Variants in PHACTR3 observed in about 807,000 individuals in gnomAD.
PHACTR3 encodes the protein protein phosphatase 1, regulatory subunit 123.
A neutral mutation model predicts 66.8 loss-of-function variants in PHACTR3; 16 were observed. The ratio of observed to expected loss-of-function variants is 0.24; its 90% confidence interval spans 0.16 to 0.36. The LOEUF is 0.36. Among genes scored for constraint, PHACTR3 ranks in the 10% least tolerant of loss-of-function variants. The probability of loss-of-function intolerance (pLI) is 1.00; values close to 1 mark genes in which losing one functional copy is unlikely to be tolerated. For synonymous variants in PHACTR3, 323 were observed against 292.1 expected (o/e 1.11, Z -1.08); for missense variants, 647 against 719.9 (o/e 0.90, Z 1.16).
intron 1 of PHACTR3, among the ~76,000 whole-genome samples, chr20:59,659,405 G>A (rs917554051): frequency 9.3e-5 from 11 of 118,334 alleles, no homozygotes; most frequent in Admixed American, 3.6e-4. Context: ...AGACAGTCTC[G>A]CTCTGTCACC....
chr20:59,704,752 T>G (rs1313264804), intron 1 of PHACTR3, among the ~76,000 whole-genome samples: 2 of 150,348 alleles, frequency 1.3e-5, no homozygotes, highest in African/African-American at 5.0e-5. Flanking sequence ...AAACACCTCC[T>G]TTATTATATT....
rs545868199 is a variant in PHACTR3 at position 59,846,421 on chromosome 20, GGGAGGAATAGGTCATAT to G, written c.1665-675_1665-659del. Reference sequence around the variant, plus strand: ...CCCTCCCATGACTAACATACTTTTGGGGAGGAATAGGTCATATGGAGGAATAGGTCATATGAATGTTT... The same window carrying G: ...CCCTCCCATGACTAACATACTTTTGGGGAGGAATAGGTCATATGAATGTTT... On this transcript the variant is annotated intron_variant, in intron 12 of 12. Coordinates refer to ENST00000371015, the MANE Select transcript of PHACTR3 (RefSeq NM_080672.5). Among the ~76,000 whole-genome samples the G allele has an allele frequency of 4.5e-3, 689 of 152,196 alleles. 2 individuals are homozygous for G. The highest frequency in any genetic ancestry group is 7.3e-3 in the Non-Finnish European group (498 of 67,990).
intron 1 of PHACTR3, among the ~76,000 whole-genome samples, chr20:59,678,665 C>T (rs1371733107): frequency 6.6e-6 from 1 of 152,168 alleles, no homozygotes; most frequent in Non-Finnish European, 1.5e-5. Context: ...TTTTGTGGGG[C>T]AGAAATAGTC....
rs746993446 is a variant in PHACTR3 at position 59,841,291 on chromosome 20, T to TTTTTG, written c.1447-89_1447-85dup. 1.1e-5 allele frequency: 14 copies of TTTTTG among 1,230,232 alleles called. No individual in the cohort carries two copies. The East Asian group carries it at 1.2e-4, about 11-fold the overall frequency. The allele number at this position is 1,230,232 out of a possible 1,614,324, so 76.2% of individuals were successfully genotyped here. ...GGTTATATTTTCCAGTTTCAGGTTT[T>TTTTTG]TTTTGTTTTGTTTTGTTTTTTAAGA... is the stretch of plus-strand genomic sequence containing the variant. On this transcript the variant is annotated intron_variant, in intron 10 of 12. Transcript: ENST00000371015.
At chr20:59,669,812 T>C (rs2036128830) in intron 1 of PHACTR3, among the ~76,000 whole-genome samples, 1 of 152,254 alleles carries the variant, frequency 6.6e-6, no homozygotes. Flanking sequence ...CCTCCATTCC[T>C]TTTTATGACA....
intron 1 of PHACTR3, among the ~76,000 whole-genome samples, chr20:59,648,032 A>G (rs542410018): frequency 6.6e-6 from 1 of 152,328 alleles, no homozygotes; most frequent in South Asian, 2.1e-4. Context: ...TCATCTTATT[A>G]GTGAAGATTC....
At position 59,736,608 on chromosome 20, in the gene PHACTR3, T is replaced by G. The variant is rs1038936548; in HGVS notation, c.119-6499T>G. Among the ~76,000 whole-genome samples, 2 of 151,194 alleles carry G rather than the reference T, an allele frequency of 1.3e-5. No homozygotes were observed. Among genetic ancestry groups the G allele is most frequent in the Non-Finnish European group, 2.9e-5 (2 of 67,892 alleles). ...TTGCTCACCCACCCACCCTCAGAGA[T>G]ACACACCTACCCACTCTGTGCACAC... On this transcript the variant is annotated intron_variant, in intron 1 of 12. Transcript: ENST00000371015. The surrounding 1 kb of genome is among the most constrained non-coding windows in gnomAD (Gnocchi z 4.6).
At chr20:59,762,519 G>A (rs1008763406) in intron 4 of PHACTR3, among the ~76,000 whole-genome samples, 2 of 152,244 alleles carry the variant, frequency 1.3e-5, no homozygotes, top group Admixed American at 6.5e-5. Flanking sequence ...AGGAAGAAAT[G>A]TGTCCATCAT....
chr20:59,622,028 G>A (rs559198052), intron 1 of PHACTR3, among the ~76,000 whole-genome samples: 1 of 152,168 alleles, frequency 6.6e-6, no homozygotes, highest in Non-Finnish European at 1.5e-5. Context: ...AAGTCATTGG[G>A]AGAATGAGTC....
At chr20:59,770,499 G>T (rs899354015) in intron 5 of PHACTR3, among the ~76,000 whole-genome samples, 5 of 152,196 alleles carry the variant, frequency 3.3e-5, no homozygotes. Flanking sequence ...AGGACTGCAG[G>T]TGTCTTAGTT....
At chr20:59,605,165 G>A (rs1218230518) in intron 1 of PHACTR3, 33 bp downstream of exon 1, 3 of 1,250,976 alleles carry the variant, frequency 2.4e-6, no homozygotes, top group East Asian at 3.2e-5. Flanking sequence ...CGGGCGGGTC[G>A]GGGAGGCCCG....
chr20:59,669,087 A>G (rs2036102757), intron 1 of PHACTR3, among the ~76,000 whole-genome samples: 1 of 151,974 alleles, frequency 6.6e-6, no homozygotes, highest in Non-Finnish European at 1.5e-5. Flanking sequence ...GTGTCTTCAG[A>G]TGCTGCCTCT....
rs535307627 is a variant in PHACTR3, at chr20:59,795,932, A to G, written c.1175-10109A>G. On this transcript the variant is annotated intron_variant, in intron 7 of 12. Transcript: ENST00000371015. ...TTAAAAATCTATTTAGCCACTCTCT[A>G]TTTTAGCTGGAGACTTTATTCATTT... Among the ~76,000 whole-genome samples the G allele has an allele frequency of 7.9e-5, 12 of 152,030 alleles. No homozygotes were observed. The East Asian group carries it at 2.3e-3, about 29-fold the overall frequency.
chr20:59,827,679 T>C (rs558004749), intron 8 of PHACTR3, among the ~76,000 whole-genome samples: 5 of 152,258 alleles, frequency 3.3e-5, no homozygotes, highest in African/African-American at 1.2e-4. Flanking sequence ...TTTTCTGTGC[T>C]GCCCTGGGAG....
At chr20:59,760,173 CATG>C (rs1402604372) in intron 4 of PHACTR3, among the ~76,000 whole-genome samples, 2 of 152,140 alleles carry the variant, frequency 1.3e-5, no homozygotes, top group Non-Finnish European at 2.9e-5. Context: ...GTGCCCCAAC[CATG>C]ATGAGTGTGG....
At chr20:59,716,829 CAGT>C (rs1488335314) in intron 1 of PHACTR3, among the ~76,000 whole-genome samples, 4 of 152,166 alleles carry the variant, frequency 2.6e-5, no homozygotes, top group Admixed American at 1.3e-4. Flanking sequence ...ACCAGGCACA[CAGT>C]AGGTGCTCAA....
At chr20:59,753,849 C>T (rs979866584) in intron 3 of PHACTR3, among the ~76,000 whole-genome samples, 2 of 152,202 alleles carry the variant, frequency 1.3e-5, no homozygotes, top group African/African-American at 4.8e-5. Context: ...TGTTGAAGGA[C>T]ACAGGGATGG....
At chr20:59,700,669 G>T (rs148544269) in intron 1 of PHACTR3, among the ~76,000 whole-genome samples, 8 of 152,318 alleles carry the variant, frequency 5.3e-5, no homozygotes, top group Non-Finnish European at 1.0e-4. Flanking sequence ...GCAGGTGGGG[G>T]CATATCTGGA....
intron 1 of PHACTR3, among the ~76,000 whole-genome samples, chr20:59,704,781 C>T (rs1401194869): frequency 1.3e-5 from 2 of 151,536 alleles, no homozygotes; most frequent in African/African-American, 2.4e-5. Flanking sequence ...TTTTGAGAGC[C>T]ATTCTATTAT....
Sources: gnomAD v4.1 joint callset for allele counts (sites outside exome capture counted in the v4.1 genomes callset) on GRCh38, gnomAD v4.1.1 for gene constraint, Gnocchi (gnomAD v3.1) non-coding constraint, MANE v1.5 for transcripts, NCBI Gene and HGNC (gene_info 2026-07-23, HGNC 2026-07-21) for gene names.